EDA: variants seen among roughly 807,000 people sequenced by gnomAD.
EDA encodes ectodysplasin-A.
In EDA, 2 loss-of-function variants were observed where a neutral mutation model predicts 23.6. The observed-to-expected ratio is 0.08, with a 90% CI of 0.03 to 0.27. The LOEUF (loss-of-function observed/expected upper bound fraction) is 0.27, where lower values mean the gene tolerates loss of function less well. Among genes scored for constraint, EDA ranks in the 10% least tolerant of loss-of-function variants. The probability of loss-of-function intolerance (pLI) is 1.00; values close to 1 mark genes in which losing one functional copy is unlikely to be tolerated. For missense variants in EDA, 229 were observed against 324.2 expected, an observed-to-expected ratio of 0.71 and a Z score of 2.26; for synonymous variants, 131 against 132.0, an observed-to-expected ratio of 0.99 and a Z score of 0.05.
intron 1 of EDA, among the ~76,000 whole-genome samples, chrX:69,702,881 G>T (rs984871979): frequency 2.7e-5 from 3 of 111,043 alleles, no homozygotes; most frequent in Non-Finnish European, 5.7e-5. Flanking sequence ...AATTCATACT[G>T]TGGCCAGACT....
At chrX:69,710,093 T>C (rs988895765) in intron 1 of EDA, among the ~76,000 whole-genome samples, 1 of 111,596 alleles carries the variant, frequency 9.0e-6, no homozygotes, top group African/African-American at 3.3e-5. Context: ...CTGAATGGTA[T>C]TGCCTAGGTC....
intron 1 of EDA, among the ~76,000 whole-genome samples, chrX:69,918,810 CTG>C (rs1215699832): frequency 9.0e-6 from 1 of 111,399 alleles, no homozygotes; most frequent in Admixed American, 9.6e-5. Flanking sequence ...TGACAGATAA[CTG>C]AGAGTATTTG....
intron 1 of EDA, among the ~76,000 whole-genome samples, chrX:69,916,287 A>G (rs1294344084): frequency 9.0e-6 from 1 of 111,480 alleles, no homozygotes. Flanking sequence ...GAAGTAAAAC[A>G]TTTATTATAA....
chrX:69,738,351 CA>C (rs1193649101), intron 1 of EDA, among the ~76,000 whole-genome samples: 2 of 109,267 alleles, frequency 1.8e-5, no homozygotes, highest in Non-Finnish European at 3.8e-5. Context: ...TCAGAGCTTT[CA>C]TTTTTTTATT....
At chrX:69,981,026 T>A (rs1423940017) in intron 2 of EDA, among the ~76,000 whole-genome samples, 1 of 111,948 alleles carries the variant, frequency 8.9e-6, no homozygotes, top group Non-Finnish European at 1.9e-5. Context: ...CCACAAGCAT[T>A]CCACTGGGGT....
chrX:69,922,809 G>A (rs962865543), intron 1 of EDA, among the ~76,000 whole-genome samples: 2 of 112,188 alleles, frequency 1.8e-5, no homozygotes, highest in African/African-American at 6.5e-5. Flanking sequence ...GTGGCAGACA[G>A]TGAATCACAA....
chrX:69,674,722 C>T (rs1035726367), intron 1 of EDA, among the ~76,000 whole-genome samples: 3 of 112,040 alleles, frequency 2.7e-5, no homozygotes, highest in Admixed American at 9.5e-5. Flanking sequence ...TTGGCTCCTT[C>T]CTCTACCACT....
chrX:69,629,235 C>T (rs1011534963), intron 1 of EDA, among the ~76,000 whole-genome samples: 1 of 111,660 alleles, frequency 9.0e-6, no homozygotes, highest in Non-Finnish European at 1.9e-5. Context: ...TTTACCTGTT[C>T]CCCCGAAGAA....
At chrX:69,795,931 C>A (rs1357276012) in intron 1 of EDA, among the ~76,000 whole-genome samples, 2 of 111,974 alleles carry the variant, frequency 1.8e-5, no homozygotes, top group South Asian at 3.8e-4. Flanking sequence ...GCCCGGTCCA[C>A]CACCGTTAAC....
At chrX:69,647,254 G>A (rs948966712) in intron 1 of EDA, among the ~76,000 whole-genome samples, 2 of 111,348 alleles carry the variant, frequency 1.8e-5, no homozygotes, top group African/African-American at 6.5e-5. Flanking sequence ...GCTATTTTGG[G>A]AACATTCTCC....
In EDA at chrX:69,645,624, A is replaced by G. The variant is rs761242897; in HGVS notation, c.396+28920A>G. ...TGTGTATATATATATATGTGTGTGT[A>G]TATATATATATGTATAAAATACTTG... On this transcript the variant is annotated intron_variant, in intron 1 of 7. Coordinates refer to ENST00000374552, the MANE Select transcript of EDA (RefSeq NM_001399.5). Among the ~76,000 whole-genome samples the G allele has an allele frequency of 0.021, 1,846 of 86,030 alleles. 256 individuals carry two copies. The East Asian group carries it at 0.46, about 21-fold the overall frequency. 74.7% of individuals were successfully genotyped at this position (86,030 alleles called of 115,157 possible).
chrX:69,732,508 A>G (rs139979394), intron 1 of EDA, among the ~76,000 whole-genome samples: 1,752 of 112,205 alleles, frequency 0.016, 31 homozygotes, highest in African/African-American at 0.055. Flanking sequence ...ATTGTTCAAC[A>G]TTTGTGTTGG....
chrX:69,864,297 C>T (rs1005730533), intron 1 of EDA, among the ~76,000 whole-genome samples: 1 of 110,969 alleles, frequency 9.0e-6, no homozygotes, highest in Non-Finnish European at 1.9e-5. Context: ...TCTTTGCAGA[C>T]ACTCCCTAGT....
chrX:69,957,488 A>AAC (rs2019028947), intron 2 of EDA: 53 of 178,286 alleles, frequency 3.0e-4, no homozygotes, highest in Middle Eastern at 2.1e-3. Flanking sequence ...CAAAAAAAAA[A>AAC]AAACAAAAAA....
intron 1 of EDA, among the ~76,000 whole-genome samples, chrX:69,621,358 T>C (rs1219640463): frequency 8.9e-6 from 1 of 112,127 alleles, no homozygotes; most frequent in African/African-American, 3.2e-5. Context: ...ATCTTTTCTA[T>C]TGAAGTATAA....
chrX:69,978,572 C>T (rs2147448362), intron 2 of EDA, among the ~76,000 whole-genome samples: 1 of 108,778 alleles, frequency 9.2e-6, no homozygotes, highest in African/African-American at 3.3e-5. Context: ...ATATCATACA[C>T]TTCACCCATT....
At chrX:69,645,616 G>GTGTGTATATATATATATA (rs763666936) in intron 1 of EDA, among the ~76,000 whole-genome samples, 3 of 56,475 alleles carry the variant, frequency 5.3e-5, no homozygotes, top group African/African-American at 2.8e-4. Flanking sequence ...ATATATATAT[G>GTGTGTATATATATATATA]TGTGTGTATA....
At chrX:69,929,709 TGTGTG>T (rs1569376288) in intron 1 of EDA, among the ~76,000 whole-genome samples, 7 of 31,048 alleles carry the variant, frequency 2.3e-4, no homozygotes, top group African/African-American at 1.5e-3. Context: ...TCTATTTTTG[TGTGTG>T]TGTGTGTGTG....
intron 2 of EDA, among the ~76,000 whole-genome samples, chrX:69,980,787 A>C (rs1420580577): frequency 1.8e-5 from 2 of 112,464 alleles, no homozygotes; most frequent in African/African-American, 6.5e-5. Context: ...CTCATTTTAC[A>C]TATAGACACA....
Sources: allele counts gnomAD v4.1 joint callset (sites outside exome capture counted in the v4.1 genomes callset), GRCh38; gene constraint gnomAD v4.1.1; transcripts MANE v1.5; gene names NCBI Gene and HGNC (gene_info 2026-07-23, HGNC 2026-07-21).